Variants in MDH2 observed in about 807,000 individuals in gnomAD.
MDH2 encodes malate dehydrogenase 2.
MDH2 carries 25 observed loss-of-function variants against 33.6 expected under a neutral mutation model. That is an observed-to-expected ratio of 0.74 (90% CI 0.54 to 1.04). The LOEUF (loss-of-function observed/expected upper bound fraction) is 1.04. Among genes scored for constraint, MDH2 ranks in the 50% least tolerant of loss-of-function variants. MDH2 has a pLI of 0.00. For synonymous variants in MDH2, 193 were observed against 188.7 expected, an observed-to-expected ratio of 1.02 and a Z score of -0.19; for missense variants, 432 against 445.0, an observed-to-expected ratio of 0.97 and a Z score of 0.26.
rs145939856 is a variant in MDH2, at chr7:76,050,184, G to A, written c.66+1958G>A. 3.1e-3 allele frequency among the ~76,000 whole-genome samples: 472 copies of A among 152,074 alleles called. 6 individuals carry two copies. Among genetic ancestry groups the A allele is most frequent in the African/African-American group, 0.011 (444 of 41,486 alleles). On this transcript the variant is annotated intron_variant, in intron 1 of 8. Transcript: ENST00000315758. ...GGTGGGAATCACAGGCAAGGGCTAC[G>A]ACAGCTGGGTAATTTTTGTAGTTTT... is the stretch of plus-strand genomic sequence containing the variant.
chr7:76,059,843 G>A lies in MDH2; in HGVS notation c.430-530G>A, dbSNP rs117782904. Among the ~76,000 whole-genome samples, 17 of 152,280 alleles carry A rather than the reference G, an allele frequency of 1.1e-4. No homozygotes were observed. In the East Asian group the frequency reaches 2.5e-3, roughly 22 times the overall value. On this transcript the variant is annotated intron_variant, in intron 4 of 8. Transcript: ENST00000315758. ...CCTGGCCATTCTGTCATCTTCTGGC[G>A]TCCCGGGTGACGTGTTCAGCACTCG... is the stretch of plus-strand genomic sequence containing the variant.
chr7:76,065,075 G>A (rs1477736888), intron 8 of MDH2, 122 bp downstream of exon 8: 20 of 1,236,576 alleles, frequency 1.6e-5, no homozygotes, highest in Admixed American at 4.2e-5. Context: ...GGCGAGTGCT[G>A]TTGTTTTCAA....
intron 5 of MDH2, among the ~76,000 whole-genome samples, 171 bp from the exon 6 acceptor site, chr7:76,063,344 C>T (rs782799222): frequency 6.6e-6 from 1 of 152,218 alleles, no homozygotes; most frequent in South Asian, 2.1e-4. Context: ...TTTGGGGCAC[C>T]GTGGCAGGAG....
chr7:76,065,995 T>G (rs1236928315), intron 8 of MDH2, among the ~76,000 whole-genome samples: 1 of 152,154 alleles, frequency 6.6e-6, no homozygotes, highest in African/African-American at 2.4e-5. Flanking sequence ...GGTGCTTGTT[T>G]TATAGCTAAG....
chr7:76,067,209 T>C lies in MDH2; in HGVS notation c.*799T>C, dbSNP rs1315537272. ...AAAGAGATTTGACTCCCTTTAGTAT[T>C]GGGGGCAGTCCGTTCCCCAGACACT... On this transcript the variant is annotated 3_prime_UTR_variant, in exon 9 of 9. Coordinates refer to ENST00000315758, the MANE Select transcript of MDH2 (RefSeq NM_005918.4). 1 of 152,180 alleles carries C rather than the reference T, an allele frequency of 6.6e-6. No individual in the cohort carries two copies. The highest frequency in any genetic ancestry group is 2.4e-5 in the African/African-American group (1 of 41,454). The allele number at this position is 152,180 out of a possible 1,614,324, so 9.4% of individuals were successfully genotyped here.
intron 2 of MDH2, among the ~76,000 whole-genome samples, chr7:76,056,944 T>G (rs1797803301): frequency 6.7e-6 from 1 of 149,004 alleles, no homozygotes; most frequent in South Asian, 2.1e-4. Flanking sequence ...AGCCGGGAGG[T>G]GGAGGTTGCA....
chr7:76,065,325 A>G (rs1016556750), intron 8 of MDH2, among the ~76,000 whole-genome samples: 2 of 152,100 alleles, frequency 1.3e-5, no homozygotes, highest in African/African-American at 2.4e-5. Flanking sequence ...GCCAGGCCCA[A>G]TTCCTCTTCG....
rs1554587321 is a variant in MDH2 at position 76,063,603 on chromosome 7, A to T, written c.633+11A>T. 5.0e-6 allele frequency: 8 copies of T among 1,612,930 alleles called. No homozygotes were observed. The highest frequency in any genetic ancestry group is 8.5e-7 in the Non-Finnish European group (1 of 1,179,018). ...CCCCTGATCTCTCAGGTACACGCAT[A>T]TGACCCTGTGAGGGGCTTCGAGGTC... On this transcript the variant is annotated intron_variant, in intron 6 of 8. Coordinates refer to ENST00000315758, the MANE Select transcript of MDH2 (RefSeq NM_005918.4).
At chr7:76,048,300 A>T (rs1002591261) in intron 1 of MDH2, 74 bp downstream of exon 1, 6 of 1,495,034 alleles carry the variant, frequency 4.0e-6, no homozygotes, top group Non-Finnish European at 3.6e-6. Flanking sequence ...GTTCGCGGGC[A>T]GCTCTGACCC....
chr7:76,063,206 C>T (rs947272703), intron 5 of MDH2, among the ~76,000 whole-genome samples: 2 of 152,220 alleles, frequency 1.3e-5, no homozygotes, highest in Non-Finnish European at 2.9e-5. Context: ...GGGGCCTCCA[C>T]AGGAGGCAGC....
At chr7:76,065,496 T>TG (rs1798071008) in intron 8 of MDH2, among the ~76,000 whole-genome samples, 2 of 152,228 alleles carry the variant, frequency 1.3e-5, no homozygotes. Flanking sequence ...TATGGCTCAC[T>TG]GGGCCACCCC....
chr7:76,048,534 A>G (rs1797415893), intron 1 of MDH2: 1 of 1,320,606 alleles, frequency 7.6e-7, no homozygotes, highest in South Asian at 2.2e-5. Context: ...TTGGGAAACC[A>G]GGGCTCTGCA....
chr7:76,048,998 G>T (rs1400785418), intron 1 of MDH2: 8 of 270,838 alleles, frequency 3.0e-5, no homozygotes, highest in Non-Finnish European at 2.8e-5. Context: ...GGGGGGGGGG[G>T]TCCGCATTTT....
At chr7:76,048,498 T>A (rs941886244) in intron 1 of MDH2, 2 of 1,306,994 alleles carry the variant, frequency 1.5e-6, no homozygotes, top group African/African-American at 3.1e-5. Context: ...CCAGAGGACC[T>A]GCTCTTGGCT....
chr7:76,060,580 T>G (rs1023255712), intron 5 of MDH2, 82 bp downstream of exon 5: 171 of 1,565,208 alleles, frequency 1.1e-4, no homozygotes, highest in Non-Finnish European at 1.4e-4. Context: ...GTGGAAGACA[T>G]GAAGGCATGC....
chr7:76,057,558 C>A, intron 3 of MDH2, 65 bp downstream of exon 3: 2 of 1,506,408 alleles, frequency 1.3e-6, no homozygotes, highest in South Asian at 2.3e-5. Flanking sequence ...AATCCATTTC[C>A]TATTAAAAAT....
At chr7:76,060,634 C>T (rs1223194609) in intron 5 of MDH2, 136 bp downstream of exon 5, 32 of 1,305,908 alleles carry the variant, frequency 2.5e-5, no homozygotes, top group East Asian at 5.1e-5. Flanking sequence ...TTTTAGAGCT[C>T]GCCCTCTTGA....
At chr7:76,060,270 G>C in intron 4 of MDH2, 103 bp from the exon 5 acceptor site, 2 of 1,483,778 alleles carry the variant, frequency 1.3e-6, no homozygotes, top group East Asian at 2.4e-5. Context: ...CTTTGGACTA[G>C]TTAGACCTTT....
At chr7:76,053,690 G>C (rs1342861034) in intron 1 of MDH2, among the ~76,000 whole-genome samples, 4 of 152,144 alleles carry the variant, frequency 2.6e-5, no homozygotes, top group Non-Finnish European at 5.9e-5. Flanking sequence ...ACCACACACG[G>C]TGCCGAGAGT....
Sources: allele counts gnomAD v4.1 joint callset (sites outside exome capture counted in the v4.1 genomes callset), GRCh38; gene constraint gnomAD v4.1.1; transcripts MANE v1.5; gene names NCBI Gene and HGNC (gene_info 2026-07-23, HGNC 2026-07-21).